Variants in OGDHL observed in about 807,000 individuals in gnomAD.
OGDHL encodes 2-oxoglutarate dehydrogenase-like, mitochondrial.
OGDHL carries 79 observed loss-of-function variants against 109.6 expected under a neutral mutation model. The ratio of observed to expected loss-of-function variants is 0.72; its 90% confidence interval spans 0.60 to 0.87. OGDHL has a LOEUF of 0.87. Among genes scored for constraint, OGDHL ranks in the 40% least tolerant of loss-of-function variants. The pLI, the probability that OGDHL is intolerant of heterozygous loss-of-function variation, is 0.00. For synonymous variants in OGDHL, 528 were observed against 537.2 expected (o/e 0.98, Z 0.24); for missense variants, 1,275 against 1,362.2 (o/e 0.94, Z 1.01).
intron 4 of OGDHL, among the ~76,000 whole-genome samples, 180 bp downstream of exon 4, chr10:49,752,458 A>T (rs1338272035): frequency 2.0e-5 from 3 of 152,214 alleles, no homozygotes; most frequent in Non-Finnish European, 4.4e-5. Context: ...AGCTAGGGAA[A>T]GTGGCAGGCA....
chr10:49,746,952 A>G (rs1382894861), intron 9 of OGDHL, 74 bp from the exon 10 acceptor site: 46 of 1,608,822 alleles, frequency 2.9e-5, no homozygotes, highest in Non-Finnish European at 3.7e-5. Context: ...TGTACTGTGG[A>G]GACCCAGGGT....
At position 49,745,927 on chromosome 10, in the gene OGDHL, G is replaced by T; in HGVS notation, c.1347C>A (p.Thr449=). Residue 449 remains threonine (T), a synonymous_variant, in exon 11 of 23, where the codon ACC becomes ACA. Transcript: ENST00000374103. ...GCGCATTGACCACCCGGGCCACGTC[G>T]GTCGGGTATGGTGAGGAGCGGGCCA... is the stretch of plus-strand genomic sequence containing the variant. ...PRMARSSPYP[T]DVARVVNAPI... is the part of the protein sequence containing the mutation. 1 of 1,614,214 alleles carries T rather than the reference G, an allele frequency of 6.2e-7. No homozygotes were observed. Among genetic ancestry groups the T allele is most frequent in the Non-Finnish European group, 8.5e-7 (1 of 1,180,028 alleles).
intron 14 of OGDHL, among the ~76,000 whole-genome samples, chr10:49,743,224 G>A (rs1052518269): frequency 2.0e-5 from 3 of 152,238 alleles, no homozygotes; most frequent in Admixed American, 6.5e-5. Flanking sequence ...TGCAGACACC[G>A]TCAGGCTCAG....
intron 13 of OGDHL, 38 bp from the exon 14 acceptor site, chr10:49,744,160 G>A (rs1268959704): frequency 6.2e-7 from 1 of 1,607,804 alleles, no homozygotes; most frequent in South Asian, 1.1e-5. Flanking sequence ...CTGTGTCAGT[G>A]GTGGGTTCTG....
At position 49,745,460 on chromosome 10, in the gene OGDHL, C is replaced by T. The variant is rs551478156; in HGVS notation, c.1513G>A (p.Glu505Lys). ...YRRRGHNEMD[E>K]PMFTQPLMYK... ...ATGAGCGGCTGGGTGAACATGGGCT[C>T]GTCCATCTCATTGTGGCCACGCCGG... Residue 505 changes from glutamate to lysine, a missense_variant, in exon 12 of 23, where the codon GAG becomes AAG. Physicochemically the swap from Glu to Lys is moderately conservative, Grantham distance 56 (BLOSUM62 1). Transcript: ENST00000374103. 9 of 1,614,108 alleles carry T rather than the reference C, an allele frequency of 5.6e-6. No homozygotes were observed. Among genetic ancestry groups the T allele is most frequent in the East Asian group, 4.5e-5 (2 of 44,880 alleles).
chr10:49,756,820 C>A lies in OGDHL; in HGVS notation c.331G>T (p.Val111Leu). 4 of 1,613,982 alleles carry A rather than the reference C, an allele frequency of 2.5e-6. No homozygotes were observed. Among genetic ancestry groups the A allele is most frequent in the Non-Finnish European group, 3.4e-6 (4 of 1,179,938 alleles). Residue 111 changes from valine (V) to leucine (L), a missense_variant, in exon 3 of 23, where the codon GTG becomes TTG. By Grantham distance (32) the Val-to-Leu change is conservative (BLOSUM62 1). Coordinates refer to ENST00000374103, the MANE Select transcript of OGDHL (RefSeq NM_018245.3). ...VSSRTKTSKL[V>L]EDHLAVQSLI... ...GACTGCACAGCCAGGTGGTCCTCCA[C>A]CAATTTGCTGGTCTTGGTCCGACTT... is the stretch of plus-strand genomic sequence containing the variant.
intron 3 of OGDHL, among the ~76,000 whole-genome samples, chr10:49,753,212 T>A (rs1842719642): frequency 6.6e-6 from 1 of 152,114 alleles, no homozygotes; most frequent in South Asian, 2.1e-4. Flanking sequence ...GAACTACACA[T>A]TATCTAATAA....
In OGDHL at chr10:49,744,771, T is replaced by C; in HGVS notation, c.1630-19A>G. ...TTTCTTCCTGGAATCAGGATGAAGA[T>C]GTGGACAGAGCACCAAAGCCCTGCG... On this transcript the variant is annotated intron_variant, in intron 12 of 22. Coordinates refer to ENST00000374103, the MANE Select transcript of OGDHL (RefSeq NM_018245.3). 2 of 1,604,392 alleles carry C rather than the reference T, an allele frequency of 1.2e-6. No individual in the cohort carries two copies. Among genetic ancestry groups the C allele is most frequent in the Non-Finnish European group, 8.5e-7 (1 of 1,171,044 alleles).
chr10:49,753,233 CAAAT>C (rs1314449378), intron 3 of OGDHL, among the ~76,000 whole-genome samples: 1 of 151,848 alleles, frequency 6.6e-6, no homozygotes, highest in African/African-American at 2.4e-5. Flanking sequence ...AAAGGAGACA[CAAAT>C]AAATATATGC....
chr10:49,761,059 C>T (rs1490188158), intron 1 of OGDHL, among the ~76,000 whole-genome samples: 3 of 152,214 alleles, frequency 2.0e-5, no homozygotes, highest in Non-Finnish European at 2.9e-5. Context: ...CCACCCACCC[C>T]CACCTGCATC....
rs1048320699 is a variant in OGDHL, at chr10:49,751,310, C to T, written c.750-325G>A. 9.9e-5 allele frequency among the ~76,000 whole-genome samples: 15 copies of T among 152,282 alleles called. 1 individual carries two copies. The highest frequency in any genetic ancestry group is 3.4e-4 in the African/African-American group (14 of 41,548). On this transcript the variant is annotated intron_variant, in intron 6 of 22. Coordinates refer to ENST00000374103, the MANE Select transcript of OGDHL (RefSeq NM_018245.3). ...TGCCCACCCACTCCTAGCCCACTAC[C>T]CTCCTGCCACACTCAAGGGCTCTCT... is the stretch of plus-strand genomic sequence containing the variant.
At position 49,750,891 on chromosome 10, in the gene OGDHL, C is replaced by T. The variant is rs375656495; in HGVS notation, c.844G>A (p.Asp282Asn). ...TCAATCCCCATCTCGCTGGATTTGTCGATGATGGTCTTGAGGGCAGGAATC... is the reference window on the plus strand; with the variant it reads ...TCAATCCCCATCTCGCTGGATTTGTTGATGATGGTCTTGAGGGCAGGAATC... ...VMIPALKTII[D>N]KSSEMGIENV... The change falls in exon 7 of 23, where the codon GAC becomes AAC. Residue 282 changes from aspartate to asparagine, a missense_variant. Transcript: ENST00000374103. 11 of 1,612,430 alleles carry T rather than the reference C, an allele frequency of 6.8e-6. No individual in the cohort carries two copies. Among genetic ancestry groups the T allele is most frequent in the African/African-American group, 2.7e-5 (2 of 75,014 alleles).
chr10:49,745,067 C>T (rs1036444977), intron 12 of OGDHL, among the ~76,000 whole-genome samples: 1 of 152,240 alleles, frequency 6.6e-6, no homozygotes, highest in Non-Finnish European at 1.5e-5. Context: ...ATGGGGACAA[C>T]CCCAGCTCAG....
At chr10:49,737,764 C>T (rs1841307605) in intron 20 of OGDHL, 22 bp downstream of exon 20, 2 of 1,613,880 alleles carry the variant, frequency 1.2e-6, no homozygotes, top group South Asian at 2.2e-5. Flanking sequence ...GGCTACCCCA[C>T]ACACCCAGGC....
At chr10:49,742,757 C>G (rs1841875145) in intron 15 of OGDHL, 71 bp downstream of exon 15, 1 of 1,531,416 alleles carries the variant, frequency 6.5e-7, no homozygotes, top group African/African-American at 1.4e-5. Context: ...AAGGCCCCCT[C>G]GGGATCCCCA....
intron 15 of OGDHL, among the ~76,000 whole-genome samples, chr10:49,742,552 C>A (rs371421389): frequency 8.3e-6 from 1 of 120,300 alleles, no homozygotes; most frequent in Admixed American, 8.0e-5. Flanking sequence ...ACACACAACT[C>A]GCCCACACTC....
In OGDHL at chr10:49,736,140, G is replaced by T; in HGVS notation, c.2792C>A (p.Ala931Glu). The T allele has an allele frequency of 1.2e-6, 2 of 1,608,894 alleles. No individual in the cohort carries two copies. The highest frequency in any genetic ancestry group is 1.7e-6 in the Non-Finnish European group (2 of 1,177,454). Residue 931 changes from alanine (A) to glutamate (E), a missense_variant, in exon 22 of 23, where the codon GCA becomes GAA. Coordinates refer to ENST00000374103, the MANE Select transcript of OGDHL (RefSeq NM_018245.3). The stretch of plus-strand genomic sequence containing the variant: ...CAGCTCCGCACCTGGGTACTTCTCT[G>T]CCTCCTGCTTGATCAGGTCGAAGGG... ...PFPFDLIKQE[A>E]EKYPGAELAW...
chr10:49,749,844 C>T, intron 7 of OGDHL, 28 bp from the exon 8 acceptor site: 6 of 1,561,678 alleles, frequency 3.8e-6, no homozygotes, highest in Non-Finnish European at 5.2e-6. Flanking sequence ...GGGCTCTCAC[C>T]TGGCAAAGCC....
chr10:49,750,880 G>A lies in OGDHL; in HGVS notation c.855C>T (p.Ser285=), dbSNP rs774693788. 2.3e-5 allele frequency: 37 copies of A among 1,612,152 alleles called. No individual in the cohort carries two copies. Among genetic ancestry groups the A allele is most frequent in the South Asian group, 6.6e-5 (6 of 90,514 alleles). Residue 285 remains serine (S), a synonymous_variant, in exon 7 of 23, where the codon AGC becomes AGT. Coordinates refer to ENST00000374103, the MANE Select transcript of OGDHL (RefSeq NM_018245.3). ...AGATGACATTCTCAATCCCCATCTC[G>A]CTGGATTTGTCGATGATGGTCTTGA... ...PALKTIIDKS[S]EMGIENVILG...
Sources: allele counts gnomAD v4.1 joint callset (sites outside exome capture counted in the v4.1 genomes callset), GRCh38; gene constraint gnomAD v4.1.1; transcripts MANE v1.5; gene names NCBI Gene and HGNC (gene_info 2026-07-23, HGNC 2026-07-21).